The following MCTP1 variants were observed in gnomAD, a reference collection of about 807,000 sequenced individuals.
MCTP1 encodes the protein multiple C2 and transmembrane domain-containing protein 1.
In MCTP1, 69 loss-of-function variants were observed where a neutral mutation model predicts 120.6. The ratio of observed to expected loss-of-function variants is 0.57; its 90% CI spans 0.47 to 0.70. The LOEUF is 0.70. Among genes scored for constraint, MCTP1 ranks in the 30% least tolerant of loss-of-function variants. MCTP1 has a pLI of 0.00. For synonymous variants in MCTP1, 529 were observed against 493.1 expected (o/e 1.07, Z -0.96); for missense variants, 1,203 against 1,248.8 (o/e 0.96, Z 0.55).
chr5:95,179,260 A>G lies in MCTP1; in HGVS notation c.720+104596T>C, dbSNP rs186852823. Among the ~76,000 whole-genome samples, 295 of 152,366 alleles carry G rather than the reference A, an allele frequency of 1.9e-3. 8 individuals are homozygous for G. Among genetic ancestry groups the G allele is most frequent in the Admixed American group, 0.017 (265 of 15,306 alleles). ...TCTAAAAGTCTGGAAAACACATTTC[A>G]GGGAATAATCAAGGAAATCTCCTCT... is the stretch of plus-strand genomic sequence containing the variant. On this transcript the variant is annotated intron_variant, in intron 1 of 22. Transcript: ENST00000515393.
At chr5:95,186,733 C>G (rs1017576734) in intron 1 of MCTP1, among the ~76,000 whole-genome samples, 1 of 152,166 alleles carries the variant, frequency 6.6e-6, no homozygotes, top group Non-Finnish European at 1.5e-5. Flanking sequence ...AGAAATCACT[C>G]TGCCTTTTAA....
chr5:94,869,472 C>T (rs1374056700), intron 16 of MCTP1, among the ~76,000 whole-genome samples: 1 of 152,002 alleles, frequency 6.6e-6, no homozygotes, highest in African/African-American at 2.4e-5. Flanking sequence ...TATCACCTTA[C>T]ATTAAGAACT....
intron 2 of MCTP1, among the ~76,000 whole-genome samples, chr5:94,974,025 C>T (rs1561952134): frequency 6.6e-6 from 1 of 152,012 alleles, no homozygotes; most frequent in Non-Finnish European, 1.5e-5. Flanking sequence ...GTTCCTCCCA[C>T]AAAATAAACA....
intron 1 of MCTP1, among the ~76,000 whole-genome samples, chr5:95,229,492 C>T (rs775258056): frequency 2.0e-5 from 3 of 152,086 alleles, no homozygotes; most frequent in Non-Finnish European, 2.9e-5. Context: ...TGGTTACTCA[C>T]GCCTGTAATC....
intron 1 of MCTP1, among the ~76,000 whole-genome samples, chr5:95,019,136 C>A (rs1308162545): frequency 6.6e-6 from 1 of 152,020 alleles, no homozygotes; most frequent in Admixed American, 6.6e-5. Flanking sequence ...AATGTTCTAA[C>A]TTTATTGAGC....
chr5:94,951,164 C>T (rs1303788179), intron 3 of MCTP1, among the ~76,000 whole-genome samples: 1 of 152,100 alleles, frequency 6.6e-6, no homozygotes, highest in Non-Finnish European at 1.5e-5. Context: ...CTGTCTATGC[C>T]CATGTGTGCA....
At chr5:94,893,623 C>T (rs1803189945) in intron 11 of MCTP1, among the ~76,000 whole-genome samples, 1 of 152,218 alleles carries the variant, frequency 6.6e-6, no homozygotes, top group Admixed American at 6.5e-5. Flanking sequence ...CTGAAGCGCA[C>T]ATCCTGCTAA....
chr5:94,823,096 T>C (rs1352405200), intron 17 of MCTP1, among the ~76,000 whole-genome samples: 1 of 152,234 alleles, frequency 6.6e-6, no homozygotes, highest in Non-Finnish European at 1.5e-5. Context: ...ACATTGCTTT[T>C]GGTGTTTTAG....
At chr5:94,928,112 A>G (rs1234656551) in intron 6 of MCTP1, among the ~76,000 whole-genome samples, 1 of 152,036 alleles carries the variant, frequency 6.6e-6, no homozygotes, top group African/African-American at 2.4e-5. Flanking sequence ...TATCATCACG[A>G]TAATATTTGT....
chr5:94,781,595 G>T (rs554621960), intron 18 of MCTP1, among the ~76,000 whole-genome samples: 1 of 152,118 alleles, frequency 6.6e-6, no homozygotes, highest in Non-Finnish European at 1.5e-5. Context: ...ATTAAGGTTG[G>T]AGAATCTCCA....
At chr5:95,272,564 G>A (rs938477694) in intron 1 of MCTP1, among the ~76,000 whole-genome samples, 25 of 152,170 alleles carry the variant, frequency 1.6e-4, no homozygotes, top group Admixed American at 9.2e-4. Flanking sequence ...CAAATGCTCA[G>A]CAGGAAAAAG....
At chr5:95,220,336 T>C (rs76053129) in intron 1 of MCTP1, among the ~76,000 whole-genome samples, 1 of 102,762 alleles carries the variant, frequency 9.7e-6, no homozygotes, top group South Asian at 3.2e-4. Context: ...TTCTTCTTCC[T>C]TTTTTTTTTT....
chr5:94,751,834 C>T lies in MCTP1; in HGVS notation c.2610+27276G>A, dbSNP rs185281657. On this transcript the variant is annotated intron_variant, in intron 19 of 22. Transcript: ENST00000515393. ...TCCAGATGAAATAAGCCACGATTCT[C>T]GATCCATACTTACCAGTCGCCTTAC... Among the ~76,000 whole-genome samples, 40 of 151,860 alleles carry T rather than the reference C, an allele frequency of 2.6e-4. No homozygotes were observed. In the East Asian group the frequency reaches 5.8e-3, roughly 22 times the overall value.
At chr5:95,167,106 C>T (rs1746503545) in intron 1 of MCTP1, among the ~76,000 whole-genome samples, 5 of 152,050 alleles carry the variant, frequency 3.3e-5, no homozygotes, top group Admixed American at 3.3e-4. Flanking sequence ...GTGATGTTGC[C>T]CTGTGTCCAA....
intron 17 of MCTP1, 80 bp downstream of exon 17, chr5:94,868,253 G>T: frequency 7.3e-7 from 1 of 1,364,044 alleles, no homozygotes; most frequent in Non-Finnish European, 9.7e-7. Context: ...CAACATAACT[G>T]TTACTATAGC....
At chr5:95,083,888 A>G (rs1755228151) in intron 1 of MCTP1, among the ~76,000 whole-genome samples, 1 of 152,220 alleles carries the variant, frequency 6.6e-6, no homozygotes, top group African/African-American at 2.4e-5. Context: ...TGGGTTAATC[A>G]TACTAAGGAA....
In MCTP1 at chr5:95,094,663, G is replaced by A. The variant is rs78657615; in HGVS notation, c.721-77179C>T. Among the ~76,000 whole-genome samples the A allele has an allele frequency of 7.2e-4, 109 of 152,236 alleles. No homozygotes were observed. In the East Asian group the frequency reaches 0.018, roughly 26 times the overall value. On this transcript the variant is annotated intron_variant, in intron 1 of 22. Coordinates refer to ENST00000515393, the MANE Select transcript of MCTP1 (RefSeq NM_024717.7). ...ATTCACCACACATTTCTTCATAAGC[G>A]GATAACATACTGTCTTGCCTAAACT...
At chr5:95,149,204 A>G (rs1760676367) in intron 1 of MCTP1, among the ~76,000 whole-genome samples, 1 of 152,238 alleles carries the variant, frequency 6.6e-6, no homozygotes, top group South Asian at 2.1e-4. Context: ...GGACTCCCTC[A>G]GGCAGAGGCC....
rs191977291 is a variant in MCTP1 at position 95,174,002 on chromosome 5, G to C, written c.720+109854C>G. On this transcript the variant is annotated intron_variant, in intron 1 of 22. Coordinates refer to ENST00000515393, the MANE Select transcript of MCTP1 (RefSeq NM_024717.7). Reference sequence around the variant, plus strand: ...TTTCAGAAAATAATATAAAGTAGTTGAAAGGATGGACTACAGGAAAAACAA... The same window carrying C: ...TTTCAGAAAATAATATAAAGTAGTTCAAAGGATGGACTACAGGAAAAACAA... Among the ~76,000 whole-genome samples, 259 of 152,238 alleles carry C rather than the reference G, an allele frequency of 1.7e-3. 3 individuals are homozygous for C. The highest frequency in any genetic ancestry group is 5.9e-3 in the African/African-American group (245 of 41,554).
Sources: gnomAD v4.1 joint callset for allele counts (sites outside exome capture counted in the v4.1 genomes callset) on GRCh38, gnomAD v4.1.1 for gene constraint, MANE v1.5 for transcripts, NCBI Gene and HGNC (gene_info 2026-07-23, HGNC 2026-07-21) for gene names.